CCDC172: variants seen among roughly 807,000 people sequenced by gnomAD.
CCDC172 encodes coiled-coil domain-containing protein 172.
CCDC172 carries 30 observed loss-of-function variants against 38.0 expected under a neutral mutation model. The ratio of observed to expected loss-of-function variants is 0.79; its 90% CI spans 0.59 to 1.07. The LOEUF (loss-of-function observed/expected upper bound fraction) is 1.07. CCDC172 is among the 50% of genes least tolerant of loss of function. The probability of loss-of-function intolerance (pLI) is 0.00; values close to 1 mark genes in which losing one functional copy is unlikely to be tolerated. For missense variants in CCDC172, 297 were observed against 290.1 expected (o/e 1.02, Z -0.17); for synonymous variants, 78 against 88.3 (o/e 0.88, Z 0.66).
chr10:116,378,782 A>G (rs1017777549), intron 8 of CCDC172, among the ~76,000 whole-genome samples: 2 of 152,184 alleles, frequency 1.3e-5, no homozygotes, highest in African/African-American at 4.8e-5. Flanking sequence ...ATCTGACCTC[A>G]TAACATTTCC....
At position 116,357,372 on chromosome 10, in the gene CCDC172, GT is replaced by G; in HGVS notation, c.449-5del. 1 of 1,513,924 alleles carries G rather than the reference GT, an allele frequency of 6.6e-7. No homozygotes were observed. Among genetic ancestry groups the G allele is most frequent in the South Asian group, 1.3e-5 (1 of 79,500 alleles). The allele number at this position is 1,513,924 out of a possible 1,614,324, so 93.8% of individuals were successfully genotyped here. Reference sequence around the variant, plus strand: ...TTTTATTTTTGATGCTTTTGTATCTGTTTCTAGAAATGAAGTCAATGGAACA... The same window carrying G: ...TTTTATTTTTGATGCTTTTGTATCTGTTCTAGAAATGAAGTCAATGGAACA... On this transcript the variant is annotated splice_region_variant and splice_polypyrimidine_tract_variant and intron_variant, in intron 5 of 8. Transcript: ENST00000333254.
chr10:116,377,614 AG>A (rs1185806491), intron 7 of CCDC172, among the ~76,000 whole-genome samples: 1 of 152,218 alleles, frequency 6.6e-6, no homozygotes, highest in African/African-American at 2.4e-5. Flanking sequence ...ATTGGGGAAA[AG>A]AAAGATGTTG....
intron 7 of CCDC172, among the ~76,000 whole-genome samples, chr10:116,372,447 G>A (rs559018069): frequency 2.6e-5 from 4 of 152,018 alleles, no homozygotes; most frequent in Non-Finnish European, 4.4e-5. Context: ...GTACCCTCCT[G>A]CCTATTTATA....
Position 116,357,826 on chromosome 10 carries a change from ATTTGT to A in CCDC172, c.551-7_551-3del, listed in dbSNP as rs750366672. 3 of 1,302,806 alleles carry A rather than the reference ATTTGT, an allele frequency of 2.3e-6. No individual in the cohort carries two copies. In the African/African-American group the frequency reaches 4.6e-5, roughly 20 times the overall value. The allele number at this position is 1,302,806 out of a possible 1,614,324, so 80.7% of individuals were successfully genotyped here. A position where few individuals can be genotyped will look rare whatever the true frequency, so the allele number is the denominator to read the frequency against. On this transcript the variant is annotated splice_region_variant and splice_polypyrimidine_tract_variant and intron_variant, in intron 6 of 8. Coordinates refer to ENST00000333254, the MANE Select transcript of CCDC172 (RefSeq NM_198515.3). ...TTCAAAAGATTGCAACTATTTTTTG[ATTTGT>A]TTAGTTTTTGAAGATGAAGAGAATG...
rs111841630 is a variant in CCDC172 at position 116,333,364 on chromosome 10, A to G, written c.166-7370A>G. Among the ~76,000 whole-genome samples, 857 of 152,252 alleles carry G rather than the reference A, an allele frequency of 5.6e-3. 2 individuals are homozygous for G. Among genetic ancestry groups the G allele is most frequent in the Non-Finnish European group, 8.7e-3 (590 of 68,000 alleles). On this transcript the variant is annotated intron_variant, in intron 3 of 8. Coordinates refer to ENST00000333254, the MANE Select transcript of CCDC172 (RefSeq NM_198515.3). ...AAGCTGATGTGAGTACCCCCAGCCC[A>G]ATTTCTAGTGTTCTTGTAGTGTAGC...
intron 5 of CCDC172, among the ~76,000 whole-genome samples, chr10:116,348,082 C>T (rs907872234): frequency 5.3e-5 from 8 of 151,906 alleles, no homozygotes; most frequent in Admixed American, 1.3e-4. Context: ...AGCATACTGA[C>T]GCTTTTTTCT....
chr10:116,365,737 C>T (rs1412312858), intron 7 of CCDC172, among the ~76,000 whole-genome samples: 1 of 152,128 alleles, frequency 6.6e-6, no homozygotes, highest in East Asian at 1.9e-4. Context: ...AATGACATTT[C>T]AATCAACAGC....
intron 7 of CCDC172, among the ~76,000 whole-genome samples, chr10:116,369,596 A>G (rs1015459589): frequency 3.3e-5 from 5 of 152,016 alleles, no homozygotes; most frequent in East Asian, 1.9e-4. Flanking sequence ...TAGATGTACT[A>G]CAGTTTATGC....
chr10:116,340,650 T>G, intron 3 of CCDC172, 84 bp from the exon 4 acceptor site: 2 of 673,284 alleles, frequency 3.0e-6, no homozygotes, highest in Non-Finnish European at 5.2e-6. Flanking sequence ...TATTTTATAC[T>G]AGACAAATCT....
intron 3 of CCDC172, among the ~76,000 whole-genome samples, chr10:116,329,398 T>C (rs1319950695): frequency 6.6e-6 from 1 of 152,070 alleles, no homozygotes; most frequent in East Asian, 1.9e-4. Flanking sequence ...ACTTGCTGTT[T>C]CCTCTGCTTG....
chr10:116,379,176 A>C (rs2133083622), intron 8 of CCDC172, 147 bp from the exon 9 acceptor site: 1 of 481,058 alleles, frequency 2.1e-6, no homozygotes, highest in East Asian at 3.6e-5. Context: ...TGTTTCAATA[A>C]GTTACCTTTG....
intron 7 of CCDC172, among the ~76,000 whole-genome samples, 169 bp from the exon 8 acceptor site, chr10:116,378,254 C>A (rs182711059): frequency 6.6e-6 from 1 of 151,944 alleles, no homozygotes. Flanking sequence ...AAAGTTTTAC[C>A]GCAAAATTTT....
At chr10:116,348,708 A>G (rs1220012832) in intron 5 of CCDC172, among the ~76,000 whole-genome samples, 1 of 152,008 alleles carries the variant, frequency 6.6e-6, no homozygotes. Flanking sequence ...CTGTTTTGCC[A>G]TCCCTGCAGC....
chr10:116,359,770 T>G (rs865791768), intron 7 of CCDC172, among the ~76,000 whole-genome samples: 1 of 152,052 alleles, frequency 6.6e-6, no homozygotes, highest in South Asian at 2.1e-4. Flanking sequence ...TTCTATGAGC[T>G]TACTGTTTCT....
At chr10:116,343,532 TAAA>T (rs201160691) in intron 5 of CCDC172, among the ~76,000 whole-genome samples, 27 of 136,602 alleles carry the variant, frequency 2.0e-4, no homozygotes, top group Middle Eastern at 3.7e-3. Context: ...TTTTTTTTTT[TAAA>T]AAAATATATA....
chr10:116,372,736 C>T (rs1483737636), intron 7 of CCDC172, among the ~76,000 whole-genome samples: 1 of 151,984 alleles, frequency 6.6e-6, no homozygotes, highest in Admixed American at 6.6e-5. Flanking sequence ...ATATTTGAAC[C>T]TCTGAAAAAT....
intron 7 of CCDC172, among the ~76,000 whole-genome samples, chr10:116,369,839 A>AT (rs147732299): frequency 0.031 from 4,750 of 151,446 alleles, 103 homozygotes; most frequent in East Asian, 0.11. Context: ...TTTGAGCACA[A>AT]TTTTTTTTTC....
intron 3 of CCDC172, among the ~76,000 whole-genome samples, chr10:116,331,810 G>T (rs1565711512): frequency 6.6e-6 from 1 of 152,084 alleles, no homozygotes; most frequent in Admixed American, 6.6e-5. Context: ...CACCCCTGCT[G>T]CCAGGGCCTC....
At chr10:116,325,531 C>G in intron 3 of CCDC172, 143 bp downstream of exon 3, 1 of 620,074 alleles carries the variant, frequency 1.6e-6, no homozygotes, top group Non-Finnish European at 2.8e-6. Flanking sequence ...TCCATGTTGC[C>G]TGGTGATGTT....
Sources: allele counts gnomAD v4.1 joint callset (sites outside exome capture counted in the v4.1 genomes callset), GRCh38; gene constraint gnomAD v4.1.1; transcripts MANE v1.5; gene names NCBI Gene and HGNC (gene_info 2026-07-23, HGNC 2026-07-21).